The following IGHMBP2 variants were observed in gnomAD, a reference collection of about 807,000 sequenced individuals.
IGHMBP2 encodes the protein immunoglobulin mu DNA binding protein 2.
IGHMBP2 carries 81 observed loss-of-function variants against 96.0 expected under a neutral mutation model. The ratio of observed to expected loss-of-function variants is 0.84; its 90% confidence interval spans 0.71 to 1.01. The LOEUF is 1.01. Among genes scored for constraint, IGHMBP2 ranks in the 50% least tolerant of loss-of-function variants. The pLI, the probability that IGHMBP2 is intolerant of heterozygous loss-of-function variation, is 0.00. For synonymous variants in IGHMBP2, 557 were observed against 548.9 expected, an observed-to-expected ratio of 1.01 and a Z score of -0.21; for missense variants, 1,227 against 1,306.3, an observed-to-expected ratio of 0.94 and a Z score of 0.94.
rs1451879774 is a variant in IGHMBP2 at position 68,938,013 on chromosome 11, A to G, written c.2612-169A>G. The G allele has an allele frequency of 4.2e-6, 3 of 713,112 alleles. No homozygotes were observed. In the East Asian group the frequency reaches 7.9e-5, roughly 19 times the overall value. The allele number at this position is 713,112 out of a possible 1,614,324, so 44.2% of individuals were successfully genotyped here. Reference sequence around the variant, plus strand: ...GTCTCACTCTGTCACTATGTTGCCCAGGCTAGTTTTGAACTCCTGGCCGCA... The same window carrying G: ...GTCTCACTCTGTCACTATGTTGCCCGGGCTAGTTTTGAACTCCTGGCCGCA... On this transcript the variant is annotated intron_variant, in intron 13 of 14. Transcript: ENST00000255078.
At chr11:68,914,570 T>C (rs2154007177) in intron 5 of IGHMBP2, among the ~76,000 whole-genome samples, 1 of 152,336 alleles carries the variant, frequency 6.6e-6, no homozygotes, top group East Asian at 1.9e-4. Flanking sequence ...AGGTGGCTTA[T>C]GTTAACCAAC....
intron 7 of IGHMBP2, among the ~76,000 whole-genome samples, chr11:68,923,967 C>CCTGG (rs1858971476): frequency 6.6e-6 from 1 of 152,174 alleles, no homozygotes; most frequent in Non-Finnish European, 1.5e-5. Flanking sequence ...CTAGGTTCTA[C>CCTGG]CTGGCTGCCC....
chr11:68,928,720 G>A (rs980488083), intron 7 of IGHMBP2, among the ~76,000 whole-genome samples: 39 of 152,170 alleles, frequency 2.6e-4, no homozygotes, highest in African/African-American at 8.7e-4. Context: ...CTGCTGCTCC[G>A]CGTCCCAGGA....
intron 3 of IGHMBP2, 55 bp from the exon 4 acceptor site, chr11:68,908,479 A>G (rs2154006714): frequency 1.3e-6 from 2 of 1,499,284 alleles, no homozygotes; most frequent in Non-Finnish European, 1.9e-6. Context: ...GCATTGGGGC[A>G]GAGGCTCGGG....
intron 5 of IGHMBP2, among the ~76,000 whole-genome samples, chr11:68,913,919 A>G (rs1025031177): frequency 5.3e-5 from 8 of 152,176 alleles, no homozygotes; most frequent in Non-Finnish European, 1.2e-4. Flanking sequence ...ACTGAGGACA[A>G]GTATTGCCAA....
Position 68,939,827 on chromosome 11 carries a change from G to A in IGHMBP2, c.*96G>A, listed in dbSNP as rs1047987059. 10 of 1,339,084 alleles carry A rather than the reference G, an allele frequency of 7.5e-6. No homozygotes were observed. The highest frequency in any genetic ancestry group is 2.1e-5 in the Admixed American group (1 of 46,698). The allele number at this position is 1,339,084 out of a possible 1,614,324, so 83.0% of individuals were successfully genotyped here. A position where few individuals can be genotyped will look rare whatever the true frequency, so the allele number is the denominator to read the frequency against. ...GCCTCCACCAGGGCCACAGAGGAGC[G>A]GAGGGGCCTATGGGGGAGGAGCGGA... On this transcript the variant is annotated 3_prime_UTR_variant, in exon 15 of 15. Transcript: ENST00000255078.
At chr11:68,928,333 T>A (rs778248848) in intron 7 of IGHMBP2, among the ~76,000 whole-genome samples, 10 of 152,236 alleles carry the variant, frequency 6.6e-5, no homozygotes, top group African/African-American at 9.6e-5. Context: ...ACATGTCTCT[T>A]AATTATCCAA....
Position 68,939,614 on chromosome 11 carries a change from G to C in IGHMBP2, c.2865G>C (p.Gly955=). ...AAGGGGTCCTCTATGCCGGCAGCGGGACCAAGAACGGATCCCTGGACCCAG... is the reference window on the plus strand; with the variant it reads ...AAGGGGTCCTCTATGCCGGCAGCGGCACCAAGAACGGATCCCTGGACCCAG... The part of the protein sequence containing the change: ...SREGVLYAGS[G]TKNGSLDPAK... Residue 955 remains glycine (G), a synonymous_variant, in exon 15 of 15, where the codon GGG becomes GGC. Transcript: ENST00000255078. 1 of 1,613,536 alleles carries C rather than the reference G, an allele frequency of 6.2e-7. No individual in the cohort carries two copies. The highest frequency in any genetic ancestry group is 8.5e-7 in the Non-Finnish European group (1 of 1,180,006).
At chr11:68,933,028 A>C in intron 8 of IGHMBP2, 2 of 546,278 alleles carry the variant, frequency 3.7e-6, no homozygotes. Context: ...TGGGTCATCC[A>C]GGGTCGCCTC....
rs1858729371 is a variant in IGHMBP2 at position 68,917,850 on chromosome 11, A to T, written c.1027A>T (p.Thr343Ser). Reference protein sequence around the residue: ...REEAAMLESLTSANVVLATNT... With the variant: ...REEAAMLESLSSANVVLATNT... ...AGAAGCAGCTATGCTCGAGAGCCTC[A>T]CTTCGGCAAACGTGGTCCTTGCAAC... Residue 343 changes from threonine (T) to serine (S), a missense_variant, in exon 7 of 15, where the codon ACT becomes TCT. Physicochemically the swap from Thr to Ser is moderately conservative, Grantham distance 58. This residue lies in a region of IGHMBP2 where 507 missense variants were observed against 496.9 expected (regional missense o/e 1.02). Transcript: ENST00000255078. The T allele has an allele frequency of 6.2e-7, 1 of 1,614,178 alleles. No homozygotes were observed. Among genetic ancestry groups the T allele is most frequent in the Non-Finnish European group, 8.5e-7 (1 of 1,180,010 alleles).
chr11:68,919,295 C>T (rs774259903), intron 7 of IGHMBP2, among the ~76,000 whole-genome samples: 2 of 151,730 alleles, frequency 1.3e-5, no homozygotes, highest in Non-Finnish European at 1.5e-5. Context: ...TCCCCATCCC[C>T]GTCGCCTTCC....
Position 68,938,347 on chromosome 11 carries a change from T to C in IGHMBP2, c.2777T>C (p.Leu926Pro), listed in dbSNP as rs1594458574. ...CSRRYCLSHH[L>P]PEIHGCGERA... ...CGCCGCTACTGCCTCAGCCACCACC[T>C]GCCCGAGGTATGTCGGCCTCCCCTC... The change falls in exon 14 of 15, where the codon CTG becomes CCG. Residue 926 changes from leucine (L) to proline (P), a missense_variant. Physicochemically the swap from Leu to Pro is moderately conservative, Grantham distance 98. Coordinates refer to ENST00000255078, the MANE Select transcript of IGHMBP2 (RefSeq NM_002180.3). 6.2e-7 allele frequency: 1 copy of C among 1,609,806 alleles called. No homozygotes were observed. The highest frequency in any genetic ancestry group is 8.5e-7 in the Non-Finnish European group (1 of 1,178,824).
chr11:68,929,966 C>CAGGCTGTCCTG (rs1268987907), intron 8 of IGHMBP2: 64 of 885,626 alleles, frequency 7.2e-5, no homozygotes, highest in Admixed American at 3.8e-4. Flanking sequence ...AAGTGCTGCC[C>CAGGCTGTCCTG]GCCCCCCCAG....
chr11:68,905,902 G>A (rs1858171633), intron 1 of IGHMBP2, among the ~76,000 whole-genome samples, 167 bp from the exon 2 acceptor site: 2 of 152,370 alleles, frequency 1.3e-5, no homozygotes, highest in South Asian at 4.1e-4. Context: ...CTAGGGGGAT[G>A]TAGGAGGAGC....
intron 8 of IGHMBP2, chr11:68,930,432 C>A: frequency 7.8e-7 from 1 of 1,289,170 alleles, no homozygotes; most frequent in Non-Finnish European, 1.0e-6. Context: ...CAGGAGTTGG[C>A]GGGTATGTAG....
intron 4 of IGHMBP2, among the ~76,000 whole-genome samples, chr11:68,909,191 G>C (rs1177328805): frequency 6.9e-5 from 8 of 116,116 alleles, no homozygotes; most frequent in African/African-American, 9.1e-5. Context: ...GGGGTGGAGG[G>C]GGGGGGCGGA....
Position 68,936,464 on chromosome 11 carries a change from G to A in IGHMBP2, c.1984G>A (p.Ala662Thr), listed in dbSNP as rs370166700. ...SHENSQGSSH[A>T]ATKPQGPATS... ...TGAGAACTCCCAGGGTTCCAGCCAC[G>A]CTGCCACCAAGCCCCAGGGACCTGC... Residue 662 changes from alanine (A) to threonine (T), a missense_variant, in exon 13 of 15, where the codon GCT becomes ACT. Ala to Thr is a moderately conservative substitution (Grantham distance 58, BLOSUM62 0). This residue lies in a region of IGHMBP2 where 703 missense variants were observed against 770.3 expected (regional missense o/e 0.91). Coordinates refer to ENST00000255078, the MANE Select transcript of IGHMBP2 (RefSeq NM_002180.3). The A allele has an allele frequency of 3.6e-5, 58 of 1,613,748 alleles. No homozygotes were observed. Among genetic ancestry groups the A allele is most frequent in the Non-Finnish European group, 4.7e-5 (55 of 1,179,998 alleles).
chr11:68,935,276 C>A (rs1288339670), intron 11 of IGHMBP2, 23 bp from the exon 12 acceptor site: 6 of 1,613,382 alleles, frequency 3.7e-6, no homozygotes, highest in African/African-American at 1.3e-5. Flanking sequence ...GGTGAGGAAA[C>A]CACAGCCCGG....
At chr11:68,938,501 C>T (rs1196845565) in intron 14 of IGHMBP2, 147 bp downstream of exon 14, 2 of 714,100 alleles carry the variant, frequency 2.8e-6, no homozygotes, top group East Asian at 2.7e-5. Context: ...AAATCAGACA[C>T]TGACTCATGA....
Sources: allele counts gnomAD v4.1 joint callset (sites outside exome capture counted in the v4.1 genomes callset), GRCh38; gene constraint gnomAD v4.1.1; regional missense constraint gnomAD v4.1.1; transcripts MANE v1.5; gene names NCBI Gene and HGNC (gene_info 2026-07-23, HGNC 2026-07-21).